Variants in CAPZB observed in about 807,000 individuals in gnomAD.
CAPZB encodes the protein capping actin protein of muscle Z-line subunit beta.
A neutral mutation model predicts 38.1 loss-of-function variants in CAPZB; 2 were observed. That is an observed-to-expected ratio of 0.05 (90% CI 0.02 to 0.17). The LOEUF is 0.17. Among genes scored for constraint, CAPZB ranks in the 10% least tolerant of loss-of-function variants. The probability of loss-of-function intolerance (pLI) is 1.00; values close to 1 mark genes in which losing one functional copy is unlikely to be tolerated. For synonymous variants in CAPZB, 107 were observed against 127.4 expected, an observed-to-expected ratio of 0.84 and a Z score of 1.08; for missense variants, 161 against 334.2, an observed-to-expected ratio of 0.48 and a Z score of 4.04.
rs182414764 is a variant in CAPZB, at chr1:19,346,216, G to A, written c.589-964C>T. On this transcript the variant is annotated intron_variant, in intron 6 of 8. Transcript: ENST00000264202. ...GAAAACAGGAATACGCAGCTACGAT[G>A]ACTAATGTTGTTGAAATAAAATGTG... Among the ~76,000 whole-genome samples, 9 of 152,204 alleles carry A rather than the reference G, an allele frequency of 5.9e-5. No individual in the cohort carries two copies. In the East Asian group the frequency reaches 1.7e-3, roughly 29 times the overall value.
intron 1 of CAPZB, among the ~76,000 whole-genome samples, chr1:19,467,032 A>T (rs1213422079): frequency 6.6e-6 from 1 of 151,790 alleles, no homozygotes; most frequent in Non-Finnish European, 1.5e-5. Context: ...AGTAGCTGGG[A>T]CTCCAGATGC....
chr1:19,485,099 G>C (rs542046295), intron 1 of CAPZB, among the ~76,000 whole-genome samples: 3 of 152,318 alleles, frequency 2.0e-5, no homozygotes, highest in African/African-American at 7.2e-5. Context: ...GCCCACGCCA[G>C]GGTCACCGAG....
At chr1:19,380,743 G>A (rs373482590) in intron 3 of CAPZB, among the ~76,000 whole-genome samples, 11 of 152,184 alleles carry the variant, frequency 7.2e-5, no homozygotes, top group East Asian at 3.8e-4. Context: ...CAATTTGAAT[G>A]CAGATAGCTC....
chr1:19,429,440 C>G (rs574624082), intron 1 of CAPZB, among the ~76,000 whole-genome samples: 1 of 152,142 alleles, frequency 6.6e-6, no homozygotes, highest in Non-Finnish European at 1.5e-5. Context: ...GGCAGAGATA[C>G]GATATACTAA....
chr1:19,381,200 C>A (rs577251709), intron 3 of CAPZB, among the ~76,000 whole-genome samples: 1 of 152,094 alleles, frequency 6.6e-6, no homozygotes, highest in South Asian at 2.1e-4. Flanking sequence ...TGAATGAATT[C>A]TTCTTGTCCA....
chr1:19,370,419 C>G (rs974780355), intron 4 of CAPZB, among the ~76,000 whole-genome samples: 5 of 152,150 alleles, frequency 3.3e-5, no homozygotes, highest in Non-Finnish European at 5.9e-5. Context: ...TCCTGAGAAA[C>G]CAGGCACCAG....
intron 2 of CAPZB, among the ~76,000 whole-genome samples, chr1:19,392,456 G>A (rs1159322304): frequency 1.3e-5 from 2 of 151,474 alleles, no homozygotes; most frequent in Non-Finnish European, 2.9e-5. Flanking sequence ...GACCCAGTGA[G>A]GCAGCACGCA....
At chr1:19,469,745 C>CAT (rs2094580506) in intron 1 of CAPZB, among the ~76,000 whole-genome samples, 1 of 105,930 alleles carries the variant, frequency 9.4e-6, no homozygotes, top group Non-Finnish European at 2.0e-5. Context: ...AAAGAATACA[C>CAT]ACACACACAC....
At chr1:19,361,107 C>T (rs1444030765) in intron 4 of CAPZB, among the ~76,000 whole-genome samples, 6 of 152,254 alleles carry the variant, frequency 3.9e-5, no homozygotes, top group African/African-American at 9.6e-5. Flanking sequence ...TCCATGGAGC[C>T]GCATGATCTC....
intron 1 of CAPZB, among the ~76,000 whole-genome samples, chr1:19,446,349 T>C (rs2094495880): frequency 6.6e-6 from 1 of 152,230 alleles, no homozygotes; most frequent in South Asian, 2.1e-4. Flanking sequence ...TGAAAAGCCA[T>C]CGGCAAAAGT....
At chr1:19,346,452 T>TAAAA (rs200968507) in intron 6 of CAPZB, among the ~76,000 whole-genome samples, 5 of 73,278 alleles carry the variant, frequency 6.8e-5, no homozygotes, top group African/African-American at 1.8e-4. Flanking sequence ...TGAGAGAAGC[T>TAAAA]AAAAAAAAAA....
chr1:19,477,510 G>A (rs1397039270), intron 1 of CAPZB, among the ~76,000 whole-genome samples: 3 of 152,218 alleles, frequency 2.0e-5, no homozygotes, highest in Non-Finnish European at 4.4e-5. Flanking sequence ...GTGGATTAAG[G>A]CTCCTCCTTC....
At chr1:19,360,748 G>A (rs2094048635) in intron 4 of CAPZB, among the ~76,000 whole-genome samples, 1 of 152,208 alleles carries the variant, frequency 6.6e-6, no homozygotes, top group Non-Finnish European at 1.5e-5. Flanking sequence ...CCACCCTGTG[G>A]CCTGGCTCCC....
intron 1 of CAPZB, among the ~76,000 whole-genome samples, chr1:19,450,197 T>C (rs2094511431): frequency 1.1e-5 from 1 of 94,342 alleles, no homozygotes; most frequent in African/African-American, 3.5e-5. Flanking sequence ...AGAAAAAATG[T>C]AGTAATACAA....
chr1:19,375,274 G>A (rs1297272193), intron 4 of CAPZB, among the ~76,000 whole-genome samples: 1 of 152,250 alleles, frequency 6.6e-6, no homozygotes, highest in Non-Finnish European at 1.5e-5. Flanking sequence ...TTCCTCGCAT[G>A]TGGTCCCAGG....
chr1:19,373,025 T>C (rs1367983876), intron 4 of CAPZB, among the ~76,000 whole-genome samples: 1 of 152,146 alleles, frequency 6.6e-6, no homozygotes, highest in Admixed American at 6.5e-5. Flanking sequence ...ACTGGCTCTT[T>C]TCATCTAAAA....
chr1:19,460,957 C>T (rs1173170768), intron 1 of CAPZB, among the ~76,000 whole-genome samples: 1 of 152,078 alleles, frequency 6.6e-6, no homozygotes, highest in Non-Finnish European at 1.5e-5. Context: ...AGATCATTTA[C>T]TGTTCAAAAC....
intron 2 of CAPZB, among the ~76,000 whole-genome samples, chr1:19,398,427 T>C (rs7516423): frequency 1 from 151,552 of 152,266 alleles, 75,426 homozygotes; most frequent in Middle Eastern, 1. Context: ...ATCCTCACGA[T>C]CACAAGCTTC....
intron 1 of CAPZB, among the ~76,000 whole-genome samples, chr1:19,472,851 A>G (rs372703141): frequency 1.8e-4 from 27 of 150,186 alleles, no homozygotes; most frequent in African/African-American, 5.2e-4. Context: ...CTGAGTAGCT[A>G]GGACTACAGG....
Sources: allele counts gnomAD v4.1 joint callset (sites outside exome capture counted in the v4.1 genomes callset), GRCh38; gene constraint gnomAD v4.1.1; transcripts MANE v1.5; gene names NCBI Gene and HGNC (gene_info 2026-07-23, HGNC 2026-07-21).